ZNF705A: variants seen among roughly 807,000 people sequenced by gnomAD.
ZNF705A encodes the protein zinc finger protein 705A.
ZNF705A carries 8 observed loss-of-function variants against 16.6 expected under a neutral mutation model. That is an observed-to-expected ratio of 0.48 (90% CI 0.28 to 0.87). The LOEUF (loss-of-function observed/expected upper bound fraction) is 0.87, where lower values mean the gene tolerates loss of function less well. ZNF705A is among the 40% of genes least tolerant of loss of function. The probability of loss-of-function intolerance (pLI) is 0.10; values close to 1 mark genes in which losing one functional copy is unlikely to be tolerated. For missense variants in ZNF705A, 233 were observed against 359.9 expected (o/e 0.65, Z 2.85); for synonymous variants, 73 against 117.3 (o/e 0.62, Z 2.44).
At chr12:8,157,016 A>T, upstream of ZNF705A, 2 of 397,952 alleles carry the variant, frequency 5.0e-6, no homozygotes, top group Non-Finnish European at 8.9e-6. Context: ...TTTTCCAGTG[A>T]CTCGTCAAAA....
chr12:8,161,831 G>C (rs1256377815), intron 1 of ZNF705A, among the ~76,000 whole-genome samples: 1 of 152,110 alleles, frequency 6.6e-6, no homozygotes, highest in Non-Finnish European at 1.5e-5. Context: ...AAAAATCCTT[G>C]ACCCAGTAAC....
In ZNF705A at chr12:8,172,583, A is replaced by C. The variant is rs780793851; in HGVS notation, c.-43A>C. On this transcript the variant is annotated 5_prime_UTR_variant, in exon 1 of 5. An upstream start codon of the reference 5' UTR is lost. Transcript: ENST00000359286. ...TTCTTAGTGCCTAAAGTGTCTGCACATGGAAATCCAGAGGTAGACAGAGAG... is the reference window on the plus strand; with the variant it reads ...TTCTTAGTGCCTAAAGTGTCTGCACCTGGAAATCCAGAGGTAGACAGAGAG... 1 of 1,596,320 alleles carries C rather than the reference A, an allele frequency of 6.3e-7. No individual in the cohort carries two copies. Among genetic ancestry groups the C allele is most frequent in the Non-Finnish European group, 8.5e-7 (1 of 1,179,632 alleles).
At chr12:8,170,747 G>A (rs1217715339), upstream of ZNF705A, among the ~76,000 whole-genome samples, 1 of 152,122 alleles carries the variant, frequency 6.6e-6, no homozygotes, top group Non-Finnish European at 1.5e-5. Context: ...CATAATACAT[G>A]TACTGTCAGG....
chr12:8,170,182 TCTCCCCCCC>T (rs1948433587), upstream of ZNF705A, among the ~76,000 whole-genome samples: 1 of 82,980 alleles, frequency 1.2e-5, no homozygotes, highest in African/African-American at 8.1e-5. Context: ...AGAGCGAAAC[TCTCCCCCCC>T]CCCCCAAAAA....
upstream of ZNF705A, among the ~76,000 whole-genome samples, chr12:8,171,716 TG>T (rs751930924): frequency 9.4e-5 from 14 of 148,442 alleles, no homozygotes; most frequent in Non-Finnish European, 2.1e-4. Context: ...AATAAATCCC[TG>T]GATTGATTAC....
chr12:8,174,259 C>G, intron 1 of ZNF705A, 67 bp from the exon 3 acceptor site: 1 of 1,596,098 alleles, frequency 6.3e-7, no homozygotes, highest in South Asian at 1.1e-5. Flanking sequence ...TATGTCATCT[C>G]AGCCTTCCTC....
At chr12:8,176,124 A>G (rs1338151462) in intron 4 of ZNF705A, among the ~76,000 whole-genome samples, 182 bp downstream of exon 5, 1 of 152,236 alleles carries the variant, frequency 6.6e-6, no homozygotes, top group Non-Finnish European at 1.5e-5. Context: ...CCATAACATG[A>G]GATCTCTAAA....
chr12:8,174,333 TG>T lies in ZNF705A; in HGVS notation c.21del (p.Thr8LeufsTer5). ...ATGTCTGTGATGTTTTAGAAGAAAG[TG>T]ACTTTTGAAGATGTAGCTATTGACT... On this transcript the variant is annotated frameshift_variant, in exon 2 of 5. Coordinates refer to ENST00000359286, the Ensembl canonical transcript of ZNF705A. LOFTEE classifies it high-confidence loss of function. The T allele has an allele frequency of 1.9e-6, 3 of 1,596,430 alleles. No homozygotes were observed. The highest frequency in any genetic ancestry group is 2.5e-6 in the Non-Finnish European group (3 of 1,179,180).
chr12:8,174,704 C>G (rs1948471591), intron 2 of ZNF705A, among the ~76,000 whole-genome samples: 3 of 152,142 alleles, frequency 2.0e-5, no homozygotes, highest in Admixed American at 2.0e-4. Flanking sequence ...GGTACTCAGT[C>G]TCTAATACTC....
In ZNF705A at chr12:8,166,084, G is replaced by A. The variant is rs140135239; in HGVS notation, c.-71-6471G>A. Among the ~76,000 whole-genome samples, 872 of 152,310 alleles carry A rather than the reference G, an allele frequency of 5.7e-3. 5 individuals carry two copies. The highest frequency in any genetic ancestry group is 0.02 in the African/African-American group (833 of 41,570). On this transcript the variant is annotated intron_variant, in intron 1 of 5. Transcript: ENST00000396570. ...GTGTTGAGTGCCTGCAGCTTTTCCA[G>A]GCTCAGGGTGCAAGCTGTCAGTGGA...
chr12:8,177,788 T>G, exon 5 of ZNF705A: 4 of 834,954 alleles, frequency 4.8e-6, no homozygotes, highest in Non-Finnish European at 7.2e-6. Flanking sequence ...CAGCTGTAGT[T>G]GTAGCATCTA....
At position 8,177,041 on chromosome 12, in the gene ZNF705A, T is replaced by A. The variant is rs768886133; in HGVS notation, c.361T>A (p.Ser121Thr). ...GGAGGATCCTTTTGAATGTAATGAT[T>A]CGGGAGAAGATTGCACTCACAGTTC... is the stretch of plus-strand genomic sequence containing the variant. The change falls in exon 5 of 5, where the codon TCG (serine) becomes ACG (threonine). Residue 121 changes from serine (S) to threonine (T), a missense_variant. Physicochemically the swap from Ser to Thr is moderately conservative, Grantham distance 58. Coordinates refer to ENST00000359286, the Ensembl canonical transcript of ZNF705A. The A allele has an allele frequency of 1.9e-6, 3 of 1,610,934 alleles. No homozygotes were observed. In the African/African-American group the frequency reaches 4.0e-5, roughly 22 times the overall value.
upstream of ZNF705A, among the ~76,000 whole-genome samples, chr12:8,171,790 G>T (rs1255874778): frequency 6.6e-6 from 1 of 152,180 alleles, no homozygotes; most frequent in Non-Finnish European, 1.5e-5. Context: ...TCGCTGGAGT[G>T]CAGTGGTGGG....
rs777516395 is a variant in ZNF705A, at chr12:8,160,006, T to C, written c.-72+2914T>C. Among the ~76,000 whole-genome samples, 16 of 152,320 alleles carry C rather than the reference T, an allele frequency of 1.1e-4. No homozygotes were observed. In the South Asian group the frequency reaches 2.9e-3, roughly 28 times the overall value. ...ATCTTGAGTTGATTTTTGTATAAAG[T>C]GAAAGATGGGGATCTAGTTTCATTC... On this transcript the variant is annotated intron_variant, in intron 1 of 5. Coordinates refer to the ZNF705A transcript ENST00000396570.
chr12:8,165,753 A>T (rs372309724), intron 1 of ZNF705A, among the ~76,000 whole-genome samples: 2 of 151,996 alleles, frequency 1.3e-5, no homozygotes, highest in East Asian at 3.9e-4. Flanking sequence ...CTTTGTTCTC[A>T]CTTATAATTA....
At chr12:8,164,237 C>T (rs1156714605) in intron 1 of ZNF705A, among the ~76,000 whole-genome samples, 2 of 152,198 alleles carry the variant, frequency 1.3e-5, no homozygotes, top group African/African-American at 2.4e-5. Flanking sequence ...CACATCTACC[C>T]ATTTCCCCAG....
chr12:8,167,235 A>G (rs1319951354), intron 1 of ZNF705A, among the ~76,000 whole-genome samples: 1 of 152,216 alleles, frequency 6.6e-6, no homozygotes, highest in Non-Finnish European at 1.5e-5. Flanking sequence ...TTTCTAGTAC[A>G]TATAATACAC....
intron 1 of ZNF705A, 73 bp downstream of exon 1, chr12:8,157,165 T>C (rs1948316798): frequency 5.0e-6 from 2 of 396,344 alleles, no homozygotes; most frequent in Non-Finnish European, 4.5e-6. Context: ...TTCTCTGTTA[T>C]GAATTCCATG....
exon 1 of ZNF705A, chr12:8,172,635 C>A (rs1948454256): frequency 1.3e-6 from 2 of 1,596,346 alleles, no homozygotes; most frequent in Non-Finnish European, 1.7e-6. Flanking sequence ...AATGCATTCA[C>A]TAGTGAGTAG....
Sources: gnomAD v4.1 joint callset for allele counts (sites outside exome capture counted in the v4.1 genomes callset) on GRCh38, gnomAD v4.1.1 for gene constraint, MANE v1.5 for transcripts, NCBI Gene and HGNC (gene_info 2026-07-23, HGNC 2026-07-21) for gene names.